Variants in SLC9A7 observed in about 807,000 individuals in gnomAD.
SLC9A7 encodes the protein sodium/hydrogen exchanger 7.
A neutral mutation model predicts 52.6 loss-of-function variants in SLC9A7; 19 were observed. That is an observed-to-expected ratio of 0.36 (90% CI 0.25 to 0.53). The LOEUF (loss-of-function observed/expected upper bound fraction) is 0.53, where lower values mean the gene tolerates loss of function less well. SLC9A7 is among the 20% of genes least tolerant of loss of function. The pLI, the probability that SLC9A7 is intolerant of heterozygous loss-of-function variation, is 0.91. For synonymous variants in SLC9A7, 226 were observed against 252.1 expected, an observed-to-expected ratio of 0.90 and a Z score of 0.98; for missense variants, 455 against 597.9, an observed-to-expected ratio of 0.76 and a Z score of 2.49.
intron 3 of SLC9A7, among the ~76,000 whole-genome samples, chrX:46,675,660 A>G (rs1214643099): frequency 8.9e-6 from 1 of 111,957 alleles, no homozygotes; most frequent in Admixed American, 9.5e-5. Flanking sequence ...AAGGCAGGGC[A>G]TAGAAACTAA....
intron 1 of SLC9A7, among the ~76,000 whole-genome samples, chrX:46,702,756 T>A (rs780525797): frequency 8.9e-6 from 1 of 112,550 alleles, no homozygotes; most frequent in African/African-American, 3.2e-5. Context: ...TGAATGCATG[T>A]GTCTTTATAA....
At chrX:46,621,156 G>A in intron 14 of SLC9A7, 97 bp from the exon 15 acceptor site, 1 of 477,524 alleles carries the variant, frequency 2.1e-6, no homozygotes, top group Admixed American at 3.6e-5. Flanking sequence ...TAGCTCTGGA[G>A]CTCATAGTCA....
At chrX:46,748,192 C>A (rs1921916341) in intron 1 of SLC9A7, among the ~76,000 whole-genome samples, 1 of 109,802 alleles carries the variant, frequency 9.1e-6, no homozygotes, top group Non-Finnish European at 1.9e-5. Context: ...ACTAAAAATA[C>A]AAAATTAGCT....
chrX:46,661,284 A>G (rs761073576), intron 7 of SLC9A7, among the ~76,000 whole-genome samples: 2 of 110,607 alleles, frequency 1.8e-5, no homozygotes, highest in East Asian at 5.7e-4. Context: ...ATGACGAGTT[A>G]GTGGGTGCAG....
chrX:46,633,377 A>AC (rs1943260070), intron 13 of SLC9A7, among the ~76,000 whole-genome samples: 1 of 98,586 alleles, frequency 1.0e-5, no homozygotes, highest in African/African-American at 3.9e-5. Context: ...AAAAAAAAAA[A>AC]AAAACAGATC....
intron 12 of SLC9A7, among the ~76,000 whole-genome samples, chrX:46,641,437 G>A (rs1056725962): frequency 8.9e-6 from 1 of 111,976 alleles, no homozygotes; most frequent in African/African-American, 3.2e-5. Flanking sequence ...TGAGCATCCA[G>A]AGCATCTACT....
chrX:46,616,200 A>C (rs1247585306), intron 15 of SLC9A7, among the ~76,000 whole-genome samples: 1 of 106,330 alleles, frequency 9.4e-6, no homozygotes, highest in African/African-American at 3.4e-5. Context: ...GTGGTGACAC[A>C]TGCTAGCTAC....
rs889275236 is a variant in SLC9A7 at position 46,673,223 on chromosome X, T to C, written c.604-596A>G. 6.3e-5 allele frequency among the ~76,000 whole-genome samples: 7 copies of C among 111,634 alleles called. No homozygotes were observed. The Admixed American group carries it at 6.7e-4, about 11-fold the overall frequency. On this transcript the variant is annotated intron_variant, in intron 3 of 16. Transcript: ENST00000616978. Reference sequence around the variant, plus strand: ...ATGTGGAGAAATGAGAAACAGATAGTTCCATTTAAGATGGCCAAGTTTATA... The same window carrying C: ...ATGTGGAGAAATGAGAAACAGATAGCTCCATTTAAGATGGCCAAGTTTATA...
chrX:46,608,363 T>C (rs1300669824), intron 16 of SLC9A7, among the ~76,000 whole-genome samples: 1 of 112,435 alleles, frequency 8.9e-6, no homozygotes, highest in Non-Finnish European at 1.9e-5. Flanking sequence ...GTTTTCTGCA[T>C]TCTCAGTGTT....
intron 8 of SLC9A7, among the ~76,000 whole-genome samples, chrX:46,653,130 C>T (rs1296809901): frequency 4.5e-5 from 5 of 112,138 alleles, no homozygotes; most frequent in East Asian, 2.8e-4. Context: ...CATGGTGGCT[C>T]ATGCCTGTAA....
chrX:46,640,174 C>A (rs141331497), intron 12 of SLC9A7, among the ~76,000 whole-genome samples: 1 of 111,737 alleles, frequency 8.9e-6, no homozygotes, highest in Non-Finnish European at 1.9e-5. Flanking sequence ...AGGTTTGCTG[C>A]GTAAGTATAG....
At chrX:46,697,301 T>C (rs1342675258) in intron 1 of SLC9A7, among the ~76,000 whole-genome samples, 1 of 111,920 alleles carries the variant, frequency 8.9e-6, no homozygotes, top group Non-Finnish European at 1.9e-5. Flanking sequence ...GCTAACAAAG[T>C]AGCTTTTAAG....
intron 1 of SLC9A7, among the ~76,000 whole-genome samples, chrX:46,709,768 C>G (rs749454888): frequency 8.9e-6 from 1 of 112,123 alleles, no homozygotes; most frequent in Non-Finnish European, 1.9e-5. Flanking sequence ...ATTCCAGCAG[C>G]CATTCTTTTA....
chrX:46,623,817 G>C (rs982521355), intron 14 of SLC9A7, among the ~76,000 whole-genome samples: 3 of 111,980 alleles, frequency 2.7e-5, no homozygotes, highest in African/African-American at 9.8e-5. Context: ...TGGGGTGGGA[G>C]GAACATCTTT....
Position 46,713,622 on chromosome X carries a change from C to T in SLC9A7, c.326-31087G>A, listed in dbSNP as rs895856772. On this transcript the variant is annotated intron_variant, in intron 1 of 16. Coordinates refer to ENST00000616978, the MANE Select transcript of SLC9A7 (RefSeq NM_001257291.2). ...GACTTAACATTGAAAGTTTTTTCTG[C>T]GGAGGGTCAAGTTAGTGCCCTAGGT... Among the ~76,000 whole-genome samples, 6 of 110,343 alleles carry T rather than the reference C, an allele frequency of 5.4e-5. No homozygotes were observed. The East Asian group carries it at 8.6e-4, about 16-fold the overall frequency.
Position 46,632,786 on chromosome X carries a change from G to C in SLC9A7, c.1677-1137C>G, listed in dbSNP as rs187356251. On this transcript the variant is annotated intron_variant, in intron 13 of 16. Coordinates refer to ENST00000616978, the MANE Select transcript of SLC9A7 (RefSeq NM_001257291.2). ...TTTTCTTTAACAATATCATTAATTAGAGTCCTGACCTGCTTTCAATCCTGG... is the reference window on the plus strand; with the variant it reads ...TTTTCTTTAACAATATCATTAATTACAGTCCTGACCTGCTTTCAATCCTGG... 3.1e-4 allele frequency among the ~76,000 whole-genome samples: 35 copies of C among 111,498 alleles called. No homozygotes were observed. In the East Asian group the frequency reaches 6.7e-3, roughly 21 times the overall value.
intron 5 of SLC9A7, among the ~76,000 whole-genome samples, chrX:46,666,476 A>G (rs1164519740): frequency 8.9e-6 from 1 of 112,392 alleles, no homozygotes; most frequent in Non-Finnish European, 1.9e-5. Flanking sequence ...TCTAATTTAC[A>G]AAAACATTCT....
At chrX:46,660,613 T>G (rs1175824487) in intron 7 of SLC9A7, among the ~76,000 whole-genome samples, 1 of 111,007 alleles carries the variant, frequency 9.0e-6, no homozygotes, top group African/African-American at 3.3e-5. Flanking sequence ...AAAAAACACA[T>G]GAAAAAATGC....
intron 1 of SLC9A7, among the ~76,000 whole-genome samples, chrX:46,686,926 T>C (rs979074244): frequency 8.9e-6 from 1 of 112,601 alleles, no homozygotes; most frequent in Non-Finnish European, 1.9e-5. Flanking sequence ...AATTCGAGAC[T>C]GTTTCAACTT....
Sources: gnomAD v4.1 joint callset for allele counts (sites outside exome capture counted in the v4.1 genomes callset) on GRCh38, gnomAD v4.1.1 for gene constraint, MANE v1.5 for transcripts, NCBI Gene and HGNC (gene_info 2026-07-23, HGNC 2026-07-21) for gene names.